Variants in RALGAPA1 observed in about 807,000 individuals in gnomAD.
RALGAPA1 encodes ral GTPase-activating protein subunit alpha-1.
In RALGAPA1, 52 loss-of-function variants were observed where a neutral mutation model predicts 269.6. The observed-to-expected ratio is 0.19, with a 90% CI of 0.15 to 0.24. The LOEUF is 0.24. RALGAPA1 is among the 10% of genes least tolerant of loss of function. The pLI is 1.00. For missense variants in RALGAPA1, 1,917 were observed against 3,013.9 expected (o/e 0.64, Z 8.52); for synonymous variants, 817 against 1,008.3 (o/e 0.81, Z 3.60).
chr14:35,554,567 C>G (rs1166913619), intron 39 of RALGAPA1, among the ~76,000 whole-genome samples: 2 of 151,474 alleles, frequency 1.3e-5, no homozygotes, highest in Admixed American at 1.3e-4. Flanking sequence ...GGGATGGTCT[C>G]GATCTCCTGA....
chr14:35,541,617 C>T (rs2054005053), intron 41 of RALGAPA1: 1 of 401,278 alleles, frequency 2.5e-6, no homozygotes, highest in African/African-American at 2.1e-5. Flanking sequence ...AATCCATGAC[C>T]CCCTTTAGGG....
In RALGAPA1 at chr14:35,689,566, C is replaced by T; in HGVS notation, c.2845G>A (p.Glu949Lys). 2 of 1,241,536 alleles carry T rather than the reference C, an allele frequency of 1.6e-6. No homozygotes were observed. Among genetic ancestry groups the T allele is most frequent in the Non-Finnish European group, 2.0e-6 (2 of 994,486 alleles). 76.9% of individuals were successfully genotyped at this position (1,241,536 alleles called of 1,614,324 possible). The part of the protein sequence containing the change: ...LLSTLKEYFK[E>K]NQENHSKNET... ...TTTTTACTATGATTTTCCTGGTTTT[C>T]CTTAAAATATTCTTTCAGGGTGGAA... Residue 949 changes from glutamate to lysine, a missense_variant, in exon 18 of 42, where the codon GAA becomes AAA. Coordinates refer to ENST00000680220, the MANE Select transcript of RALGAPA1 (RefSeq NM_001346249.2).
chr14:35,680,866 G>A (rs1157694935), intron 21 of RALGAPA1, among the ~76,000 whole-genome samples: 3 of 150,556 alleles, frequency 2.0e-5, no homozygotes, highest in East Asian at 2.0e-4. Context: ...CACCCGCCTC[G>A]GCCTTCCAAA....
At chr14:35,780,346 A>C (rs2075346240) in intron 1 of RALGAPA1, among the ~76,000 whole-genome samples, 1 of 152,192 alleles carries the variant, frequency 6.6e-6, no homozygotes, top group Non-Finnish European at 1.5e-5. Context: ...AAAATAGAAG[A>C]CCTAAACAAT....
rs377687203 is a variant in RALGAPA1, at chr14:35,663,328, C to T, written c.5328+1314G>A. ...AACACGTAATTACAAGTATAATAAA[C>T]GTAACAAAGAGATATATGGATGCTA... On this transcript the variant is annotated intron_variant, in intron 27 of 41. Coordinates refer to ENST00000680220, the MANE Select transcript of RALGAPA1 (RefSeq NM_001346249.2). Among the ~76,000 whole-genome samples, 16 of 151,632 alleles carry T rather than the reference C, an allele frequency of 1.1e-4. No individual in the cohort carries two copies. In the South Asian group the frequency reaches 1.7e-3, roughly 16 times the overall value.
intron 15 of RALGAPA1, among the ~76,000 whole-genome samples, chr14:35,722,545 G>A (rs1489030871): frequency 1.3e-5 from 2 of 151,738 alleles, no homozygotes; most frequent in African/African-American, 4.8e-5. Context: ...CTGGGAGGTC[G>A]AGGCTGCAGT....
chr14:35,604,324 A>G (rs565277131), intron 36 of RALGAPA1, among the ~76,000 whole-genome samples: 1 of 152,214 alleles, frequency 6.6e-6, no homozygotes, highest in South Asian at 2.1e-4. Context: ...TATCTTACAG[A>G]GTATATTCTG....
intron 35 of RALGAPA1, among the ~76,000 whole-genome samples, chr14:35,620,757 T>C (rs1351887021): frequency 1.3e-5 from 2 of 152,160 alleles, no homozygotes; most frequent in South Asian, 2.1e-4. Context: ...TGAACTCCCA[T>C]TCACAATTGC....
Position 35,750,790 on chromosome 14 carries a change from C to T in RALGAPA1, c.803-100G>A, listed in dbSNP as rs2072609971. The T allele has an allele frequency of 2.9e-6, 3 of 1,035,886 alleles. No homozygotes were observed. The South Asian group carries it at 5.1e-5, about 18-fold the overall frequency. The allele number at this position is 1,035,886 out of a possible 1,614,324, so 64.2% of individuals were successfully genotyped here. On this transcript the variant is annotated intron_variant, in intron 8 of 41. Coordinates refer to ENST00000680220, the MANE Select transcript of RALGAPA1 (RefSeq NM_001346249.2). The stretch of plus-strand genomic sequence containing the variant: ...TACTTGAGAAAATATTGTTATGCTA[C>T]TCTGGTTTCAGAAGTAGCTTTAGCA...
chr14:35,694,529 A>G (rs1266120893), intron 17 of RALGAPA1, among the ~76,000 whole-genome samples: 1 of 152,208 alleles, frequency 6.6e-6, no homozygotes, highest in African/African-American at 2.4e-5. Context: ...AGCAGTTTTT[A>G]CATTATTGTA....
At chr14:35,737,483 G>A (rs933209420) in intron 12 of RALGAPA1, among the ~76,000 whole-genome samples, 3 of 117,466 alleles carry the variant, frequency 2.6e-5, no homozygotes, top group South Asian at 2.8e-4. Context: ...ACAGTTGGGC[G>A]TGGTGGCTCA....
intron 31 of RALGAPA1, among the ~76,000 whole-genome samples, chr14:35,642,119 C>T (rs892207499): frequency 1.3e-5 from 2 of 152,148 alleles, no homozygotes; most frequent in Admixed American, 6.5e-5. Context: ...AGACTTAAAT[C>T]TAAGACCTCA....
intron 39 of RALGAPA1, among the ~76,000 whole-genome samples, chr14:35,560,995 C>A (rs568046298): frequency 1.3e-5 from 2 of 151,442 alleles, no homozygotes; most frequent in Admixed American, 1.3e-4. Context: ...TTTGGGAGGC[C>A]GAGGCAGATG....
At chr14:35,712,656 G>A (rs372349749) in intron 16 of RALGAPA1, among the ~76,000 whole-genome samples, 6 of 152,182 alleles carry the variant, frequency 3.9e-5, no homozygotes, top group East Asian at 1.9e-4. Context: ...ACAGGCACGC[G>A]CCACTGCACC....
At chr14:35,659,324 A>G in intron 27 of RALGAPA1, 128 bp from the exon 28 acceptor site, 1 of 510,104 alleles carries the variant, frequency 2.0e-6, no homozygotes, top group Non-Finnish European at 3.3e-6. Flanking sequence ...AGAGACCAAT[A>G]TTATTTATAA....
chr14:35,729,470 G>A (rs1028234150), intron 12 of RALGAPA1, among the ~76,000 whole-genome samples: 16 of 152,110 alleles, frequency 1.1e-4, no homozygotes, highest in African/African-American at 3.9e-4. Flanking sequence ...TAAGACAAGG[G>A]TGCTCACTCT....
intron 35 of RALGAPA1, among the ~76,000 whole-genome samples, chr14:35,608,974 C>T (rs2139258739): frequency 6.6e-6 from 1 of 152,346 alleles, no homozygotes; most frequent in South Asian, 2.1e-4. Context: ...CGCCTGTAAT[C>T]CCAGCACTTT....
intron 10 of RALGAPA1, among the ~76,000 whole-genome samples, chr14:35,745,004 A>G (rs1170070756): frequency 1.3e-5 from 2 of 152,244 alleles, no homozygotes; most frequent in African/African-American, 4.8e-5. Context: ...ACAAGTTGTC[A>G]GACTACAACC....
In RALGAPA1 at chr14:35,723,145, C is replaced by T; in HGVS notation, c.1986G>A (p.Trp662Ter). The change falls in exon 15 of 42, where the codon TGG becomes TGA. Residue 662 changes from tryptophan (W) to a stop codon, truncating the protein, a stop_gained. Transcript: ENST00000680220. LOFTEE classifies it high-confidence loss of function. ...LTYWEELATE[W>*]SLTMETLTKV... ...TAGTTAATGTCTCCATAGTCAGTGA[C>T]CACTCAGTGGCCAACTCTTCCCAAT... The T allele has an allele frequency of 6.2e-7, 1 of 1,611,092 alleles. No homozygotes were observed. Among genetic ancestry groups the T allele is most frequent in the Non-Finnish European group, 8.5e-7 (1 of 1,177,354 alleles).
Sources: allele counts gnomAD v4.1 joint callset (sites outside exome capture counted in the v4.1 genomes callset), GRCh38; gene constraint gnomAD v4.1.1; transcripts MANE v1.5; gene names NCBI Gene and HGNC (gene_info 2026-07-23, HGNC 2026-07-21).